The following TOP1 variants were observed in gnomAD, a reference collection of about 807,000 sequenced individuals.
The protein encoded by TOP1 is DNA topoisomerase I.
Under a neutral mutation model 111.1 loss-of-function variants are expected in TOP1, and 10 were observed. The observed-to-expected ratio is 0.09, with a 90% CI of 0.06 to 0.15. The LOEUF (loss-of-function observed/expected upper bound fraction) is 0.15. TOP1 is among the 10% of genes least tolerant of loss of function. TOP1 has a pLI of 1.00. For synonymous variants in TOP1, 271 were observed against 302.9 expected (o/e 0.89, Z 1.10); for missense variants, 474 against 926.7 (o/e 0.51, Z 6.34).
intron 2 of TOP1, among the ~76,000 whole-genome samples, chr20:41,051,617 C>T (rs1307996663): frequency 6.6e-6 from 1 of 152,222 alleles, no homozygotes; most frequent in African/African-American, 2.4e-5. Context: ...ATGGCGTTAA[C>T]AGTGCCTTCC....
chr20:41,029,797 C>T lies in TOP1; in HGVS notation c.58+342C>T, dbSNP rs1402565357. The T allele has an allele frequency of 8.0e-6, 3 of 376,792 alleles. No homozygotes were observed. Among genetic ancestry groups the T allele is most frequent in the African/African-American group, 6.5e-5 (3 of 46,450 alleles). The allele number at this position is 376,792 out of a possible 1,614,324, so 23.3% of individuals were successfully genotyped here. A position where few individuals can be genotyped will look rare whatever the true frequency, so the allele number is the denominator to read the frequency against. On this transcript the variant is annotated intron_variant, in intron 2 of 20. Coordinates refer to ENST00000361337, the MANE Select transcript of TOP1 (RefSeq NM_003286.4). This position sits in a 1 kb window ranked among gnomAD's most constrained non-coding sequence, Gnocchi z 6.1. ...GCCATTTTCTTTTTCTCTCTCCTCT[C>T]CTTTCTGTGCCTGTGTCTCTTTCTC...
In TOP1 at chr20:41,106,650, T is replaced by C. The variant is rs186233692; in HGVS notation, c.1308+5297T>C. On this transcript the variant is annotated intron_variant, in intron 13 of 20. Transcript: ENST00000361337. The surrounding 1 kb of genome is among the most constrained non-coding windows in gnomAD (Gnocchi z 4.3). ...TTTTAAGTGATCTTATAGTTTTTAT[T>C]GCTAATGTGAATGAGATTTTTTTCC... is the stretch of plus-strand genomic sequence containing the variant. Among the ~76,000 whole-genome samples, 102 of 152,296 alleles carry C rather than the reference T, an allele frequency of 6.7e-4. No individual in the cohort carries two copies. Among genetic ancestry groups the C allele is most frequent in the Admixed American group, 1.4e-3 (22 of 15,300 alleles).
At chr20:41,103,866 CT>C (rs560396093) in intron 13 of TOP1, among the ~76,000 whole-genome samples, 117 of 151,996 alleles carry the variant, frequency 7.7e-4, no homozygotes, top group African/African-American at 2.7e-3. Context: ...AATGTTAACT[CT>C]TCAGAAAGGC....
In TOP1 at chr20:41,029,482, G is replaced by T; in HGVS notation, c.58+27G>T. ...TGAGTGTGCCCCCTGCGCCGACTCC[G>T]GGGCCCCCCAGCCGCCGGCCGCCTC... On this transcript the variant is annotated intron_variant, in intron 2 of 20. Coordinates refer to ENST00000361337, the MANE Select transcript of TOP1 (RefSeq NM_003286.4). This position sits in a 1 kb window ranked among gnomAD's most constrained non-coding sequence, Gnocchi z 6.1. 1.3e-6 allele frequency: 2 copies of T among 1,549,944 alleles called. No homozygotes were observed. The highest frequency in any genetic ancestry group is 2.5e-5 in the East Asian group (1 of 40,190).
At chr20:41,104,483 G>T (rs756020783) in intron 13 of TOP1, among the ~76,000 whole-genome samples, 1 of 152,218 alleles carries the variant, frequency 6.6e-6, no homozygotes, top group Non-Finnish European at 1.5e-5. Flanking sequence ...AATTGTTGGA[G>T]CCTCTCTGAG....
intron 8 of TOP1, among the ~76,000 whole-genome samples, chr20:41,089,020 CTTT>C (rs59200685): frequency 0.082 from 6,366 of 77,610 alleles, 122 homozygotes; most frequent in Middle Eastern, 0.19. Context: ...TGCCCCAGTT[CTTT>C]TTTTTTTTTT....
At chr20:41,039,871 C>A (rs1372026206) in intron 2 of TOP1, among the ~76,000 whole-genome samples, 1 of 152,058 alleles carries the variant, frequency 6.6e-6, no homozygotes, top group African/African-American at 2.4e-5. Flanking sequence ...TGCGCCACTG[C>A]ACTCCAGCCT....
At chr20:41,117,151 AGACCAGCCT>A (rs1272863535) in intron 17 of TOP1, among the ~76,000 whole-genome samples, 1 of 152,064 alleles carries the variant, frequency 6.6e-6, no homozygotes, top group Non-Finnish European at 1.5e-5. Flanking sequence ...CAGGAGTTCC[AGACCAGCCT>A]GGGCAATGTA....
chr20:41,105,360 G>A (rs990770095), intron 13 of TOP1, among the ~76,000 whole-genome samples: 5 of 152,136 alleles, frequency 3.3e-5, no homozygotes, highest in Non-Finnish European at 7.4e-5. Flanking sequence ...ATGTTACTGG[G>A]ATCATTCTGC....
Position 41,116,053 on chromosome 20 carries a change from C to CA in TOP1, c.1708-224dup, listed in dbSNP as rs1226734371. 6.6e-6 allele frequency among the ~76,000 whole-genome samples: 1 copy of CA among 152,084 alleles called. No individual in the cohort carries two copies. The highest frequency in any genetic ancestry group is 1.5e-5 in the Non-Finnish European group (1 of 67,984). On this transcript the variant is annotated intron_variant, in intron 16 of 20. Transcript: ENST00000361337. This position sits in a 1 kb window ranked among gnomAD's most constrained non-coding sequence, Gnocchi z 5.6. ...TACCACTGCACTCCAGGCTGGGTGTCAGAGTGAGACCCTGTCATACACACA... is the reference window on the plus strand; with the variant it reads ...TACCACTGCACTCCAGGCTGGGTGTCAAGAGTGAGACCCTGTCATACACACA...
In TOP1 at chr20:41,112,250, T is replaced by G. The variant is rs1175176640; in HGVS notation, c.1309-532T>G. Among the ~76,000 whole-genome samples, 1 of 152,212 alleles carries G rather than the reference T, an allele frequency of 6.6e-6. No individual in the cohort carries two copies. Among genetic ancestry groups the G allele is most frequent in the Non-Finnish European group, 1.5e-5 (1 of 68,036 alleles). The stretch of plus-strand genomic sequence containing the variant: ...TGGAATTCACTTAGATTTAATGGAA[T>G]TCAGTCCTGGTAGAAAACTGCTATT... On this transcript the variant is annotated intron_variant, in intron 13 of 20. Transcript: ENST00000361337. The surrounding 1 kb of genome is among the most constrained non-coding windows in gnomAD (Gnocchi z 5.8).
At chr20:41,081,068 C>T in intron 6 of TOP1, 97 bp from the exon 7 acceptor site, 2 of 1,073,036 alleles carry the variant, frequency 1.9e-6, no homozygotes, top group African/African-American at 1.6e-5. Flanking sequence ...AGTGATTACT[C>T]TTGCCATGGA....
rs900933997 is a variant in TOP1, at chr20:41,046,476, G to A, written c.59-14918G>A. Among the ~76,000 whole-genome samples the A allele has an allele frequency of 6.6e-6, 1 of 152,136 alleles. No individual in the cohort carries two copies. The highest frequency in any genetic ancestry group is 1.5e-5 in the Non-Finnish European group (1 of 67,996). On this transcript the variant is annotated intron_variant, in intron 2 of 20. Coordinates refer to ENST00000361337, the MANE Select transcript of TOP1 (RefSeq NM_003286.4). The surrounding 1 kb of genome is among the most constrained non-coding windows in gnomAD (Gnocchi z 4.3). ...TGTGGTGGAATTACCCATCAGACTG[G>A]GGGCGCCCATCTCTTCACTTATGAT...
Position 41,072,569 on chromosome 20 carries a change from C to T in TOP1, c.156-3602C>T, listed in dbSNP as rs997293383. 4.5e-5 allele frequency: 44 copies of T among 985,390 alleles called. No homozygotes were observed. In the African/African-American group the frequency reaches 7.5e-4, roughly 17 times the overall value. 61.0% of individuals were successfully genotyped at this position (985,390 alleles called of 1,614,324 possible). A position where few individuals can be genotyped will look rare whatever the true frequency, so the allele number is the denominator to read the frequency against. ...GCTTCTGTATCATAGGACTTGTTCC[C>T]CAGCGCCTTTGCTACTTCCTTCAGG... On this transcript the variant is annotated intron_variant, in intron 3 of 20. Transcript: ENST00000361337.
At position 41,095,197 on chromosome 20, in the gene TOP1, C is replaced by T. The variant is rs2033967080; in HGVS notation, c.731-2023C>T. 6.6e-6 allele frequency among the ~76,000 whole-genome samples: 1 copy of T among 152,044 alleles called. No individual in the cohort carries two copies. The highest frequency in any genetic ancestry group is 6.6e-5 in the Admixed American group (1 of 15,260). On this transcript the variant is annotated intron_variant, in intron 9 of 20. Transcript: ENST00000361337. This position sits in a 1 kb window ranked among gnomAD's most constrained non-coding sequence, Gnocchi z 4.6. ...CTCCCAAGTAGCTGAAATTAACAGG[C>T]ACGTGCCACCACACCTAAGTTTTGT...
At chr20:41,043,391 C>T (rs1465711079) in intron 2 of TOP1, among the ~76,000 whole-genome samples, 1 of 152,110 alleles carries the variant, frequency 6.6e-6, no homozygotes, top group African/African-American at 2.4e-5. Context: ...AATTCATAAT[C>T]GGGGGAGGAT....
At position 41,029,297 on chromosome 20, in the gene TOP1, C is replaced by A; in HGVS notation, c.34-134C>A. 1 of 853,350 alleles carries A rather than the reference C, an allele frequency of 1.2e-6. No individual in the cohort carries two copies. Among genetic ancestry groups the A allele is most frequent in the Non-Finnish European group, 1.7e-6 (1 of 588,136 alleles). 52.9% of individuals were successfully genotyped at this position (853,350 alleles called of 1,614,324 possible). ...AAGTTACAGTTCGAGGCAGGGATGG[C>A]TGCCCTCTGTGGCCACCCCCGGGTC... On this transcript the variant is annotated intron_variant, in intron 1 of 20. Transcript: ENST00000361337. This position sits in a 1 kb window ranked among gnomAD's most constrained non-coding sequence, Gnocchi z 6.1.
chr20:41,060,540 A>G (rs1016032079), intron 2 of TOP1, among the ~76,000 whole-genome samples: 2 of 152,148 alleles, frequency 1.3e-5, no homozygotes, highest in Non-Finnish European at 2.9e-5. Context: ...CACGAGGGAA[A>G]CTTTCTGAGA....
intron 2 of TOP1, among the ~76,000 whole-genome samples, chr20:41,039,993 CAT>C (rs1365877158): frequency 2.6e-5 from 4 of 152,152 alleles, no homozygotes; most frequent in Non-Finnish European, 5.9e-5. Flanking sequence ...TGTGAGAAAT[CAT>C]GTGACAATAG....
Sources: allele counts gnomAD v4.1 joint callset (sites outside exome capture counted in the v4.1 genomes callset), GRCh38; gene constraint gnomAD v4.1.1; non-coding constraint Gnocchi (gnomAD v3.1); transcripts MANE v1.5; gene names NCBI Gene and HGNC (gene_info 2026-07-23, HGNC 2026-07-21).